KAT7: variants seen among roughly 807,000 people sequenced by gnomAD.
The protein encoded by KAT7 is histone acetyltransferase KAT7.
In KAT7, 10 loss-of-function variants were observed where a neutral mutation model predicts 82.1. That is an observed-to-expected ratio of 0.12 (90% confidence interval 0.08 to 0.21). The LOEUF (loss-of-function observed/expected upper bound fraction) is 0.21, where lower values mean the gene tolerates loss of function less well. Ranked by LOEUF, KAT7 falls within the 10% of genes least tolerant of loss-of-function variation. The probability of loss-of-function intolerance (pLI) is 1.00; values close to 1 mark genes in which losing one functional copy is unlikely to be tolerated. For synonymous variants in KAT7, 250 were observed against 262.5 expected (o/e 0.95, Z 0.46); for missense variants, 378 against 760.9 (o/e 0.50, Z 5.92).
Position 49,820,423 on chromosome 17 carries a change from C to T in KAT7, c.1156-914C>T, listed in dbSNP as rs112937784. 8.2e-3 allele frequency among the ~76,000 whole-genome samples: 1,243 copies of T among 152,032 alleles called. 18 individuals carry two copies. The highest frequency in any genetic ancestry group is 0.028 in the African/African-American group (1,171 of 41,456). On this transcript the variant is annotated intron_variant, in intron 9 of 14. Transcript: ENST00000259021. ...CCTCCAGAGTAGCTGGGATTACAGG[C>T]CCCCGCTGCCACACCTGGCTAATAT...
intron 12 of KAT7, among the ~76,000 whole-genome samples, chr17:49,824,284 T>C (rs2074341006): frequency 6.6e-6 from 1 of 152,216 alleles, no homozygotes; most frequent in African/African-American, 2.4e-5. Context: ...CTATATTTGA[T>C]GTCCACTGTC....
rs1419619715 is a variant in KAT7, at chr17:49,828,423, C to A, written c.*921C>A. 1 of 152,256 alleles carries A rather than the reference C, an allele frequency of 6.6e-6. No homozygotes were observed. Among genetic ancestry groups the A allele is most frequent in the Non-Finnish European group, 1.5e-5 (1 of 68,038 alleles). The allele number at this position is 152,256 out of a possible 1,614,324, so 9.4% of individuals were successfully genotyped here. A position where few individuals can be genotyped will look rare whatever the true frequency, so the allele number is the denominator to read the frequency against. ...CCTCCACTAGTCTGATACAGTACAT[C>A]TGTACTTCCATATACCTTGCACTGA... is the stretch of plus-strand genomic sequence containing the variant. On this transcript the variant is annotated 3_prime_UTR_variant, in exon 15 of 15. Transcript: ENST00000259021.
At position 49,802,997 on chromosome 17, in the gene KAT7, T is replaced by C. The variant is rs746911468; in HGVS notation, c.581-2366T>C. Among the ~76,000 whole-genome samples, 40 of 152,276 alleles carry C rather than the reference T, an allele frequency of 2.6e-4. No individual in the cohort carries two copies. The Middle Eastern group carries it at 0.014, about 52-fold the overall frequency. ...CTCCTGTGTTGGCCTCCCAAAGTGC[T>C]GGGATTACAGGTGTGAGCCACTGAG... On this transcript the variant is annotated intron_variant, in intron 4 of 14. Transcript: ENST00000259021.
intron 7 of KAT7, among the ~76,000 whole-genome samples, chr17:49,812,258 ACAGT>A (rs2143931056): frequency 1.7e-5 from 2 of 120,466 alleles, no homozygotes; most frequent in South Asian, 2.6e-4. Flanking sequence ...TTTTTTTGAG[ACAGT>A]CGGCCAGGCT....
At chr17:49,791,746 A>T (rs1395123430) in intron 1 of KAT7, 140 bp from the exon 2 acceptor site, 3 of 750,464 alleles carry the variant, frequency 4.0e-6, no homozygotes, top group Non-Finnish European at 6.7e-6. Flanking sequence ...AGGGGGTGGG[A>T]GGATGAGAAA....
chr17:49,802,242 G>A (rs1045861987), intron 4 of KAT7, among the ~76,000 whole-genome samples: 2 of 152,072 alleles, frequency 1.3e-5, no homozygotes, highest in Non-Finnish European at 2.9e-5. Context: ...TGTCTTTCTA[G>A]CAAATCTGTA....
chr17:49,811,715 A>G (rs1484224807), intron 7 of KAT7, 141 bp downstream of exon 7: 1 of 409,758 alleles, frequency 2.4e-6, no homozygotes, highest in African/African-American at 2.1e-5. Flanking sequence ...TATGGCACTT[A>G]GAGTTTATTT....
At chr17:49,821,454 T>C in intron 10 of KAT7, 28 bp downstream of exon 10, 2 of 1,589,158 alleles carry the variant, frequency 1.3e-6, no homozygotes, top group East Asian at 2.2e-5. Flanking sequence ...TAGAAAGGAG[T>C]TGAAATGTTG....
rs2074435846 is a variant in KAT7 at position 49,832,902 on chromosome 17, G to C, written c.*5400G>C. ...GGGATCATGGAATCGGACCTCAGCT[G>C]GTTTTGCCTCAGCACTTTCTTTCAC... is the stretch of plus-strand genomic sequence containing the variant. On this transcript the variant is annotated 3_prime_UTR_variant, in exon 15 of 15. Transcript: ENST00000259021. 6.6e-6 allele frequency: 1 copy of C among 152,250 alleles called. No homozygotes were observed. Among genetic ancestry groups the C allele is most frequent in the Admixed American group, 6.5e-5 (1 of 15,282 alleles). The allele number at this position is 152,250 out of a possible 1,614,324, so 9.4% of individuals were successfully genotyped here.
chr17:49,812,090 T>C lies in KAT7; in HGVS notation c.852+516T>C, dbSNP rs568069478. ...GAATTTAGAGTGATTAAGCAAAGTA[T>C]ATGGAAGAAAACAAATCCTACTACC... On this transcript the variant is annotated intron_variant, in intron 7 of 14. Transcript: ENST00000259021. Among the ~76,000 whole-genome samples the C allele has an allele frequency of 4.6e-5, 7 of 152,286 alleles. No individual in the cohort carries two copies. In the East Asian group the frequency reaches 1.4e-3, roughly 29 times the overall value.
In KAT7 at chr17:49,835,003, C is replaced by CA. The variant is rs1393090774; in HGVS notation, c.*7507dup. On this transcript the variant is annotated 3_prime_UTR_variant, in exon 15 of 15. Coordinates refer to ENST00000259021, the MANE Select transcript of KAT7 (RefSeq NM_007067.5). ...TGGGTGACAGAGCAAGACCCTGTCT[C>CA]AAAAAATAAAAAAATAAAGATAATA... The CA allele has an allele frequency of 6.6e-6, 1 of 151,906 alleles. No homozygotes were observed. The highest frequency in any genetic ancestry group is 1.5e-5 in the Non-Finnish European group (1 of 67,982). 9.4% of individuals were successfully genotyped at this position (151,906 alleles called of 1,614,324 possible). A position where few individuals can be genotyped will look rare whatever the true frequency, so the allele number is the denominator to read the frequency against.
rs776024422 is a variant in KAT7 at position 49,820,747 on chromosome 17, C to CTTTTTTTTTT, written c.1156-577_1156-568dup. On this transcript the variant is annotated intron_variant, in intron 9 of 14. Transcript: ENST00000259021. ...CCTGCTGCTCAGCTAGGCTGCTTGCCTTTTTTTTTTTTTTTTTTTTTTCTT... is the reference window on the plus strand; with the variant it reads ...CCTGCTGCTCAGCTAGGCTGCTTGCCTTTTTTTTTTTTTTTTTTTTTTTTTTTTTTTTCTT... Among the ~76,000 whole-genome samples the CTTTTTTTTTT allele has an allele frequency of 2.5e-3, 244 of 99,032 alleles. 1 individual carries two copies. Among genetic ancestry groups the CTTTTTTTTTT allele is most frequent in the Middle Eastern group, 8.3e-3 (1 of 120 alleles). 65.0% of individuals were successfully genotyped at this position (99,032 alleles called of 152,430 possible).
intron 2 of KAT7, 86 bp from the exon 3 acceptor site, chr17:49,796,664 G>A: frequency 2.0e-6 from 2 of 991,316 alleles, no homozygotes; most frequent in Non-Finnish European, 2.9e-6. Flanking sequence ...AAGAGGAGGA[G>A]GAGCGATATT....
At chr17:49,799,120 A>C (rs2143868774) in intron 4 of KAT7, among the ~76,000 whole-genome samples, 1 of 152,282 alleles carries the variant, frequency 6.6e-6, no homozygotes, top group South Asian at 2.1e-4. Flanking sequence ...TATTCTTATG[A>C]GTTTTACCCC....
At chr17:49,802,484 A>G (rs2074036710) in intron 4 of KAT7, among the ~76,000 whole-genome samples, 1 of 152,250 alleles carries the variant, frequency 6.6e-6, no homozygotes, top group East Asian at 1.9e-4. Context: ...CCTGGCCAAG[A>G]TGGTGAAACC....
At chr17:49,800,436 T>G (rs1207576195) in intron 4 of KAT7, among the ~76,000 whole-genome samples, 1 of 152,172 alleles carries the variant, frequency 6.6e-6, no homozygotes, top group Admixed American at 6.5e-5. Context: ...ATTGATTTCC[T>G]TGGAATAAAT....
At chr17:49,794,126 TC>T (rs1051439854) in intron 2 of KAT7, among the ~76,000 whole-genome samples, 2 of 152,166 alleles carry the variant, frequency 1.3e-5, no homozygotes, top group African/African-American at 4.8e-5. Flanking sequence ...AAATCATAGT[TC>T]CTGTCCTCAA....
Position 49,791,968 on chromosome 17 carries a change from A to G in KAT7, c.98A>G (p.Asp33Gly), listed in dbSNP as rs750350346. ...DLEHTDSSES[D>G]GTSRRSARVT... ...GAGCACACAGACAGTTCAGAAAGTG[A>G]TGGCACATCCCGACGATCTGCTCGA... Residue 33 changes from aspartate (D) to glycine (G), a missense_variant, in exon 2 of 15, where the codon GAT becomes GGT. Coordinates refer to ENST00000259021, the MANE Select transcript of KAT7 (RefSeq NM_007067.5). The G allele has an allele frequency of 6.2e-7, 1 of 1,614,052 alleles. No homozygotes were observed. The highest frequency in any genetic ancestry group is 8.5e-7 in the Non-Finnish European group (1 of 1,180,024).
rs2074415719 is a variant in KAT7 at position 49,830,392 on chromosome 17, T to G, written c.*2890T>G. ...TTAGTAGAGACAGGGTTTTGCCATGTTGGCCAGGCCAGTCTCAAACTCTTG... is the reference window on the plus strand; with the variant it reads ...TTAGTAGAGACAGGGTTTTGCCATGGTGGCCAGGCCAGTCTCAAACTCTTG... On this transcript the variant is annotated 3_prime_UTR_variant, in exon 15 of 15. Transcript: ENST00000259021. 1 of 151,792 alleles carries G rather than the reference T, an allele frequency of 6.6e-6. No individual in the cohort carries two copies. Among genetic ancestry groups the G allele is most frequent in the South Asian group, 2.1e-4 (1 of 4,816 alleles). 9.4% of individuals were successfully genotyped at this position (151,792 alleles called of 1,614,324 possible). A position where few individuals can be genotyped will look rare whatever the true frequency, so the allele number is the denominator to read the frequency against.
Sources: gnomAD v4.1 joint callset for allele counts (sites outside exome capture counted in the v4.1 genomes callset) on GRCh38, gnomAD v4.1.1 for gene constraint, MANE v1.5 for transcripts, NCBI Gene and HGNC (gene_info 2026-07-23, HGNC 2026-07-21) for gene names.